The following KIAA1217 variants were observed in gnomAD, a reference collection of about 807,000 sequenced individuals.
KIAA1217 encodes the protein KIAA1217.
In KIAA1217, 88 loss-of-function variants were observed where a neutral mutation model predicts 163.9. That is an observed-to-expected ratio of 0.54 (90% confidence interval 0.45 to 0.64). The LOEUF (loss-of-function observed/expected upper bound fraction) is 0.64. Ranked by LOEUF, KIAA1217 falls within the 30% of genes least tolerant of loss-of-function variation. KIAA1217 has a pLI of 0.00. For synonymous variants in KIAA1217, 903 were observed against 923.1 expected, an observed-to-expected ratio of 0.98 and a Z score of 0.39; for missense variants, 2,372 against 2,475.0, an observed-to-expected ratio of 0.96 and a Z score of 0.88.
chr10:23,973,944 C>A (rs1365240981), intron 1 of KIAA1217, among the ~76,000 whole-genome samples: 1 of 152,072 alleles, frequency 6.6e-6, no homozygotes. Flanking sequence ...AGATGTTAAC[C>A]AAATAGCCCC....
intron 1 of KIAA1217, among the ~76,000 whole-genome samples, chr10:23,821,963 G>A (rs562793271): frequency 6.6e-5 from 10 of 152,250 alleles, no homozygotes; most frequent in East Asian, 1.9e-4. Context: ...ATCATCTTCC[G>A]TGTCTCCTGA....
Position 24,402,267 on chromosome 10 carries a change from G to C in KIAA1217, c.553+21200G>C, listed in dbSNP as rs144702685. ...CACGCCTGTAATCCCAGCACTTTGG[G>C]AGGCCAAGGCGGGCGGATCACGAGG... On this transcript the variant is annotated intron_variant, in intron 3 of 20. Transcript: ENST00000376454. 8.7e-3 allele frequency among the ~76,000 whole-genome samples: 1,328 copies of C among 152,250 alleles called. 37 individuals are homozygous for C. Among genetic ancestry groups the C allele is most frequent in the East Asian group, 0.083 (431 of 5,180 alleles).
chr10:24,071,642 G>A (rs1220417378), intron 2 of KIAA1217, among the ~76,000 whole-genome samples: 1 of 152,196 alleles, frequency 6.6e-6, no homozygotes, highest in Non-Finnish European at 1.5e-5. Flanking sequence ...GAACGGTTAA[G>A]TCCAGCCTAG....
At chr10:23,996,245 C>T (rs1404406086) in intron 1 of KIAA1217, among the ~76,000 whole-genome samples, 1 of 152,164 alleles carries the variant, frequency 6.6e-6, no homozygotes, top group African/African-American at 2.4e-5. Flanking sequence ...CCTTTATGCT[C>T]TTCAGGAAGC....
At chr10:23,896,315 A>C (rs1244236500) in intron 1 of KIAA1217, among the ~76,000 whole-genome samples, 1 of 152,054 alleles carries the variant, frequency 6.6e-6, no homozygotes, top group Non-Finnish European at 1.5e-5. Flanking sequence ...GCAAGTAAAA[A>C]GCACTTCTGC....
At chr10:23,922,753 A>T (rs2131295096) in intron 1 of KIAA1217, among the ~76,000 whole-genome samples, 1 of 152,274 alleles carries the variant, frequency 6.6e-6, no homozygotes, top group African/African-American at 2.4e-5. Context: ...CAGATCTTGA[A>T]GATTATAAGG....
intron 1 of KIAA1217, among the ~76,000 whole-genome samples, chr10:23,934,087 C>A (rs1843370594): frequency 6.6e-6 from 1 of 152,110 alleles, no homozygotes; most frequent in African/African-American, 2.4e-5. Context: ...ACAGATGCTG[C>A]ATATGTTTAC....
chr10:23,963,826 T>C (rs927391799), intron 1 of KIAA1217, among the ~76,000 whole-genome samples: 1 of 152,170 alleles, frequency 6.6e-6, no homozygotes, highest in Non-Finnish European at 1.5e-5. Flanking sequence ...CATGAGATGG[T>C]ATCTCATTGT....
chr10:23,727,443 C>T (rs1215753700), intron 1 of KIAA1217, among the ~76,000 whole-genome samples: 1 of 151,750 alleles, frequency 6.6e-6, no homozygotes, highest in Non-Finnish European at 1.5e-5. Flanking sequence ...ACCTATAATC[C>T]CAGCTACTTG....
chr10:24,174,641 C>T (rs963363695), intron 2 of KIAA1217, among the ~76,000 whole-genome samples: 1 of 152,188 alleles, frequency 6.6e-6, no homozygotes, highest in Non-Finnish European at 1.5e-5. Context: ...TTGTTTTAAG[C>T]AACTCAGTTT....
At chr10:23,729,890 C>T (rs1350614651) in intron 1 of KIAA1217, among the ~76,000 whole-genome samples, 4 of 148,096 alleles carry the variant, frequency 2.7e-5, no homozygotes, top group Non-Finnish European at 5.9e-5. Flanking sequence ...ACATTTTCTT[C>T]TGTTATTTTC....
At chr10:23,744,841 G>A (rs576665782) in intron 1 of KIAA1217, among the ~76,000 whole-genome samples, 1 of 152,314 alleles carries the variant, frequency 6.6e-6, no homozygotes, top group Non-Finnish European at 1.5e-5. Flanking sequence ...AACCAATGTT[G>A]TAGTTTAGGT....
At chr10:24,175,033 T>A (rs1484729205) in intron 2 of KIAA1217, among the ~76,000 whole-genome samples, 5 of 151,536 alleles carry the variant, frequency 3.3e-5, no homozygotes, top group Non-Finnish European at 5.9e-5. Context: ...ATTTTTTTTT[T>A]TTATTTTCAG....
At chr10:23,780,217 A>C (rs1311851449) in intron 1 of KIAA1217, among the ~76,000 whole-genome samples, 1 of 152,248 alleles carries the variant, frequency 6.6e-6, no homozygotes, top group South Asian at 2.1e-4. Context: ...AATGGTGAGT[A>C]CAGTTGCACA....
chr10:24,355,969 A>T (rs10764465), intron 2 of KIAA1217, among the ~76,000 whole-genome samples: 1 of 150,804 alleles, frequency 6.6e-6, no homozygotes, highest in South Asian at 2.1e-4. Flanking sequence ...GGCTGGTCTC[A>T]AACTCCTGAC....
chr10:24,246,191 C>CTG (rs547086503), intron 2 of KIAA1217, among the ~76,000 whole-genome samples: 89 of 152,226 alleles, frequency 5.8e-4, no homozygotes, highest in African/African-American at 2.1e-3. Flanking sequence ...CCCTTGTGGG[C>CTG]TGTGTGTGTG....
intron 2 of KIAA1217, among the ~76,000 whole-genome samples, chr10:24,113,993 C>T (rs559238063): frequency 2.6e-5 from 4 of 152,294 alleles, no homozygotes; most frequent in South Asian, 2.1e-4. Flanking sequence ...CTCTGGTCAC[C>T]TCCCATAAAG....
intron 2 of KIAA1217, among the ~76,000 whole-genome samples, chr10:24,019,864 A>G (rs4558071): frequency 0.74 from 111,814 of 151,892 alleles, 42,150 homozygotes; most frequent in African/African-American, 0.89. Flanking sequence ...AAAAAAAGAA[A>G]AAGTACAATA....
chr10:23,926,402 T>A (rs1055130435), intron 1 of KIAA1217, among the ~76,000 whole-genome samples: 1 of 152,154 alleles, frequency 6.6e-6, no homozygotes, highest in African/African-American at 2.4e-5. Flanking sequence ...ATGCTGTCAA[T>A]ATTTCCATAT....
Sources: gnomAD v4.1 joint callset for allele counts (sites outside exome capture counted in the v4.1 genomes callset) on GRCh38, gnomAD v4.1.1 for gene constraint, MANE v1.5 for transcripts, NCBI Gene and HGNC (gene_info 2026-07-23, HGNC 2026-07-21) for gene names.